Variants in AGPS observed in about 807,000 individuals in gnomAD.
AGPS encodes the protein alkylglycerone phosphate synthase.
AGPS carries 26 observed loss-of-function variants against 90.7 expected under a neutral mutation model. The ratio of observed to expected loss-of-function variants is 0.29; its 90% confidence interval spans 0.21 to 0.40. AGPS has a LOEUF of 0.40. Among genes scored for constraint, AGPS ranks in the 10% least tolerant of loss-of-function variants. AGPS has a pLI of 1.00. For missense variants in AGPS, 540 were observed against 816.1 expected, an observed-to-expected ratio of 0.66 and a Z score of 4.12; for synonymous variants, 294 against 285.3, an observed-to-expected ratio of 1.03 and a Z score of -0.31.
At chr2:177,518,308 C>T (rs6433673) in intron 17 of AGPS, among the ~76,000 whole-genome samples, 109,292 of 151,714 alleles carry the variant, frequency 0.72, 39,628 homozygotes, top group Admixed American at 0.78. Flanking sequence ...TGGTGGCAGG[C>T]GCCTGTAATC....
chr2:177,474,259 A>G (rs536703200), intron 10 of AGPS, among the ~76,000 whole-genome samples: 99 of 152,314 alleles, frequency 6.5e-4, no homozygotes, highest in Non-Finnish European at 9.4e-4. Context: ...CATATAACTG[A>G]TGCAGGATTT....
chr2:177,533,996 A>T (rs1052497913), intron 19 of AGPS, among the ~76,000 whole-genome samples: 8 of 152,226 alleles, frequency 5.3e-5, no homozygotes, highest in Non-Finnish European at 1.0e-4. Context: ...TTCTAAATGT[A>T]TGGCCCATTT....
At chr2:177,481,865 C>G (rs1687955599) in intron 10 of AGPS, among the ~76,000 whole-genome samples, 194 bp from the exon 11 acceptor site, 1 of 151,724 alleles carries the variant, frequency 6.6e-6, no homozygotes, top group African/African-American at 2.4e-5. Flanking sequence ...ATTCCTAAAG[C>G]TTTTTTGAGA....
At chr2:177,442,340 T>C (rs1686632972) in intron 6 of AGPS, 67 bp from the exon 7 acceptor site, 4 of 1,217,372 alleles carry the variant, frequency 3.3e-6, no homozygotes, top group Non-Finnish European at 4.9e-6. Context: ...TATGAGGGAT[T>C]TGCCATAGAA....
intron 14 of AGPS, among the ~76,000 whole-genome samples, chr2:177,504,615 G>T (rs2105717144): frequency 6.6e-6 from 1 of 152,138 alleles, no homozygotes; most frequent in East Asian, 1.9e-4. Context: ...TACAGAACAA[G>T]AGTACATCTA....
chr2:177,497,585 T>G (rs1027274059), intron 12 of AGPS, 104 bp from the exon 13 acceptor site: 5 of 494,148 alleles, frequency 1.0e-5, no homozygotes, highest in Non-Finnish European at 1.8e-5. Flanking sequence ...AAATTAAAGT[T>G]GTGAAAACTT....
rs1181709922 is a variant in AGPS, at chr2:177,423,209, C to G, written c.350+2851C>G. On this transcript the variant is annotated intron_variant, in intron 2 of 19. Coordinates refer to ENST00000264167, the MANE Select transcript of AGPS (RefSeq NM_003659.4). ...AATTAGTCATATTATAAAAGGTTATCTTGTGTCAAAAATTCCTATTGTTAC... is the reference window on the plus strand; with the variant it reads ...AATTAGTCATATTATAAAAGGTTATGTTGTGTCAAAAATTCCTATTGTTAC... Among the ~76,000 whole-genome samples the G allele has an allele frequency of 2.7e-5, 2 of 73,046 alleles. 1 individual carries two copies. The highest frequency in any genetic ancestry group is 6.6e-4 in the East Asian group (2 of 3,044). 47.9% of individuals were successfully genotyped at this position (73,046 alleles called of 152,430 possible).
chr2:177,432,987 G>A (rs1020040553), intron 2 of AGPS, among the ~76,000 whole-genome samples: 13 of 152,130 alleles, frequency 8.5e-5, no homozygotes, highest in African/African-American at 3.1e-4. Flanking sequence ...TTCCCCCAGG[G>A]CATTAATCTA....
intron 6 of AGPS, chr2:177,441,361 C>A (rs1001259591): frequency 1.5e-5 from 4 of 258,134 alleles, no homozygotes; most frequent in Non-Finnish European, 1.5e-5. Context: ...TTTTCAAAAG[C>A]TAAATATAAA....
intron 19 of AGPS, among the ~76,000 whole-genome samples, chr2:177,524,632 C>CT (rs372384511): frequency 4.0e-5 from 6 of 151,792 alleles, no homozygotes; most frequent in East Asian, 1.9e-4. Flanking sequence ...TCCTTATATC[C>CT]TTTTTTTTCC....
intron 14 of AGPS, among the ~76,000 whole-genome samples, chr2:177,501,957 A>G (rs1046862364): frequency 6.6e-6 from 1 of 152,100 alleles, no homozygotes; most frequent in Admixed American, 6.5e-5. Context: ...TTATTTTGTC[A>G]GTTTTAATTT....
intron 1 of AGPS, among the ~76,000 whole-genome samples, chr2:177,407,380 C>T (rs1043417325): frequency 1.3e-5 from 2 of 152,080 alleles, no homozygotes; most frequent in African/African-American, 4.8e-5. Flanking sequence ...TTAATTAATT[C>T]ACGGTTCTGC....
chr2:177,402,182 G>A (rs1419221154), intron 1 of AGPS, among the ~76,000 whole-genome samples: 1 of 152,170 alleles, frequency 6.6e-6, no homozygotes, highest in Non-Finnish European at 1.5e-5. Context: ...ATTTTAAGAA[G>A]GATGTCAATG....
intron 8 of AGPS, among the ~76,000 whole-genome samples, chr2:177,452,957 C>CA (rs1686996303): frequency 1.3e-5 from 2 of 151,760 alleles, no homozygotes; most frequent in Non-Finnish European, 2.9e-5. Flanking sequence ...TGTATTTACC[C>CA]ATCTAGTTAA....
At chr2:177,400,779 C>T (rs1424267313) in intron 1 of AGPS, among the ~76,000 whole-genome samples, 1 of 152,156 alleles carries the variant, frequency 6.6e-6, no homozygotes, top group African/African-American at 2.4e-5. Context: ...ATCCTATAAG[C>T]AGGGGAATGC....
At position 177,538,583 on chromosome 2, in the gene AGPS, A is replaced by G. The variant is rs1172595857; in HGVS notation, c.*388A>G. On this transcript the variant is annotated 3_prime_UTR_variant, in exon 20 of 20. Coordinates refer to ENST00000264167, the MANE Select transcript of AGPS (RefSeq NM_003659.4). ...TCTTTTTAAAAGAACGTTTCTGGGAATCAGATGTCTAGGGAAGGATTCCAC... is the reference window on the plus strand; with the variant it reads ...TCTTTTTAAAAGAACGTTTCTGGGAGTCAGATGTCTAGGGAAGGATTCCAC... 1 of 298,336 alleles carries G rather than the reference A, an allele frequency of 3.4e-6. No homozygotes were observed. Among genetic ancestry groups the G allele is most frequent in the Non-Finnish European group, 6.4e-6 (1 of 156,432 alleles). 18.5% of individuals were successfully genotyped at this position (298,336 alleles called of 1,614,324 possible).
chr2:177,502,702 GT>G (rs1299462779), intron 14 of AGPS, among the ~76,000 whole-genome samples: 2 of 152,030 alleles, frequency 1.3e-5, no homozygotes, highest in Admixed American at 6.5e-5. Context: ...AAGTGCTGGG[GT>G]TACAGGCATG....
intron 2 of AGPS, among the ~76,000 whole-genome samples, chr2:177,430,782 G>A (rs1686220186): frequency 6.6e-6 from 1 of 152,040 alleles, no homozygotes; most frequent in Non-Finnish European, 1.5e-5. Flanking sequence ...GATCACAGCT[G>A]CTTCTAATCA....
At chr2:177,427,676 T>C (rs548905735) in intron 2 of AGPS, among the ~76,000 whole-genome samples, 1 of 152,334 alleles carries the variant, frequency 6.6e-6, no homozygotes, top group African/African-American at 2.4e-5. Flanking sequence ...GATTCTAACC[T>C]GATTGTGTTG....
Sources: allele counts gnomAD v4.1 joint callset (sites outside exome capture counted in the v4.1 genomes callset), GRCh38; gene constraint gnomAD v4.1.1; transcripts MANE v1.5; gene names NCBI Gene and HGNC (gene_info 2026-07-23, HGNC 2026-07-21).